Variants in ACSL5 observed in about 807,000 individuals in gnomAD.
The protein encoded by ACSL5 is long-chain-fatty-acid--CoA ligase 5.
In ACSL5, 50 loss-of-function variants were observed where a neutral mutation model predicts 84.9. The observed-to-expected ratio is 0.59, with a 90% CI of 0.47 to 0.75. The LOEUF is 0.75. Among genes scored for constraint, ACSL5 ranks in the 30% least tolerant of loss-of-function variants. The probability of loss-of-function intolerance (pLI) is 0.00; values close to 1 mark genes in which losing one functional copy is unlikely to be tolerated. For synonymous variants in ACSL5, 280 were observed against 300.7 expected, an observed-to-expected ratio of 0.93 and a Z score of 0.71; for missense variants, 775 against 830.4, an observed-to-expected ratio of 0.93 and a Z score of 0.82.
At chr10:112,376,563 C>T (rs1257994483) in intron 1 of ACSL5, 16 of 1,430,386 alleles carry the variant, frequency 1.1e-5, no homozygotes, top group East Asian at 2.3e-5. Flanking sequence ...AATCAAGGGC[C>T]GGCTGAGTTC....
At chr10:112,408,734 A>T (rs1380814623) in intron 6 of ACSL5, 1 of 505,032 alleles carries the variant, frequency 2.0e-6, no homozygotes, top group African/African-American at 1.9e-5. Context: ...CACAGAAAGA[A>T]GTTTCAATGA....
At chr10:112,400,517 C>G (rs1033940874) in intron 3 of ACSL5, among the ~76,000 whole-genome samples, 2 of 139,822 alleles carry the variant, frequency 1.4e-5, no homozygotes, top group African/African-American at 5.3e-5. Flanking sequence ...TCAAGCAATT[C>G]TCTGCCTCAG....
At position 112,417,898 on chromosome 10, in the gene ACSL5, C is replaced by T. The variant is rs778881983; in HGVS notation, c.1271C>T (p.Ser424Phe). ...ATTGTCACTGGAGCTGCCCCCATGTCCACTTCAGTCATGACATTCTTCCGG... is the reference window on the plus strand; with the variant it reads ...ATTGTCACTGGAGCTGCCCCCATGTTCACTTCAGTCATGACATTCTTCCGG... ...RVIVTGAAPM[S>F]TSVMTFFRAA... The change falls in exon 14 of 21, where the codon TCC (serine) becomes TTC (phenylalanine). Residue 424 changes from serine (S) to phenylalanine (F), a missense_variant. Coordinates refer to ENST00000354655, the MANE Select transcript of ACSL5 (RefSeq NM_203379.2). 4 of 1,613,668 alleles carry T rather than the reference C, an allele frequency of 2.5e-6. No individual in the cohort carries two copies. Among genetic ancestry groups the T allele is most frequent in the Non-Finnish European group, 3.4e-6 (4 of 1,179,890 alleles).
Position 112,427,369 on chromosome 10 carries a change from T to G in ACSL5, c.*11T>G, listed in dbSNP as rs1250544782. 6.2e-7 allele frequency: 1 copy of G among 1,606,072 alleles called. No individual in the cohort carries two copies. On this transcript the variant is annotated 3_prime_UTR_variant, in exon 21 of 21. Coordinates refer to ENST00000354655, the MANE Select transcript of ACSL5 (RefSeq NM_203379.2). ...CACATCCAGGATTAGGATAAGGTAC[T>G]TAAGTACCTGCCGGCCCACTGTGCA...
At chr10:112,425,767 C>A (rs1405219597) in intron 18 of ACSL5, among the ~76,000 whole-genome samples, 1 of 152,118 alleles carries the variant, frequency 6.6e-6, no homozygotes, top group Non-Finnish European at 1.5e-5. Flanking sequence ...GCACTTAGTT[C>A]CCATTCCTTA....
Position 112,427,311 on chromosome 10 carries a change from T to G in ACSL5, c.2005T>G (p.Tyr669Asp). The change falls in exon 21 of 21, where the codon TAC becomes GAC. Residue 669 changes from tyrosine to aspartate, a missense_variant. Coordinates refer to ENST00000354655, the MANE Select transcript of ACSL5 (RefSeq NM_203379.2). ...LKAKRGELSK[Y>D]FRTQIDSLYE... ...AGCAAAGCGAGGAGAGCTTTCCAAATACTTTCGGACCCAAATTGACAGCCT... is the reference window on the plus strand; with the variant it reads ...AGCAAAGCGAGGAGAGCTTTCCAAAGACTTTCGGACCCAAATTGACAGCCT... 6.2e-7 allele frequency: 1 copy of G among 1,613,902 alleles called. No individual in the cohort carries two copies. Among genetic ancestry groups the G allele is most frequent in the Non-Finnish European group, 8.5e-7 (1 of 1,179,904 alleles).
Position 112,425,290 on chromosome 10 carries a change from T to C in ACSL5, c.1594-48T>C, listed in dbSNP as rs747124699. ...GACTTCACCACTCTCCCCACTGATA[T>C]CATCTCTGTGGCTCAAAAATACTGA... On this transcript the variant is annotated intron_variant, in intron 17 of 20. Transcript: ENST00000354655. 1.1e-5 allele frequency: 17 copies of C among 1,542,090 alleles called. No individual in the cohort carries two copies. In the South Asian group the frequency reaches 1.5e-4, roughly 13 times the overall value.
chr10:112,427,095 G>A, intron 20 of ACSL5, 123 bp from the exon 21 acceptor site: 1 of 1,025,298 alleles, frequency 9.8e-7, no homozygotes, highest in African/African-American at 1.6e-5. Context: ...GAATGGGCAT[G>A]TGTTACTGTT....
At chr10:112,382,847 A>G (rs1849377144) in intron 1 of ACSL5, among the ~76,000 whole-genome samples, 1 of 152,230 alleles carries the variant, frequency 6.6e-6, no homozygotes. Context: ...AAATTACGTA[A>G]GCAATCGAAT....
intron 5 of ACSL5, chr10:112,406,509 T>G (rs1427487090): frequency 3.3e-5 from 5 of 152,246 alleles, no homozygotes; most frequent in African/African-American, 1.2e-4. Context: ...CAGGATTCAG[T>G]CCATAACATC....
intron 10 of ACSL5, 34 bp from the exon 11 acceptor site, chr10:112,411,868 A>G (rs780876011): frequency 6.3e-7 from 1 of 1,575,972 alleles, no homozygotes; most frequent in South Asian, 1.1e-5. Context: ...CATTAATCTC[A>G]TGTTGCCTCC....
chr10:112,397,039 C>T (rs554442079), intron 2 of ACSL5, among the ~76,000 whole-genome samples: 18 of 152,198 alleles, frequency 1.2e-4, no homozygotes, highest in South Asian at 4.1e-4. Context: ...CTTCTCTACA[C>T]GAAACTTCAT....
chr10:112,425,373 C>G lies in ACSL5; in HGVS notation c.1629C>G (p.Asn543Lys). Reference sequence around the variant, plus strand: ...TGAAGATCATCGACCGTAAAAAGAACATTTTCAAGCTGGCCCAAGGAGAAT... The same window carrying G: ...TGAAGATCATCGACCGTAAAAAGAAGATTTTCAAGCTGGCCCAAGGAGAAT... ...GTLKIIDRKKNIFKLAQGEYI... is the reference protein window; with the variant it reads ...GTLKIIDRKKKIFKLAQGEYI... The change falls in exon 18 of 21, where the codon AAC becomes AAG. Residue 543 changes from asparagine to lysine, a missense_variant. By Grantham distance (94) the Asn-to-Lys change is moderately conservative. Coordinates refer to ENST00000354655, the MANE Select transcript of ACSL5 (RefSeq NM_203379.2). 4 of 1,613,052 alleles carry G rather than the reference C, an allele frequency of 2.5e-6. No homozygotes were observed. The South Asian group carries it at 3.3e-5, about 13-fold the overall frequency.
At chr10:112,409,183 C>T in intron 6 of ACSL5, 1 of 249,910 alleles carries the variant, frequency 4.0e-6, no homozygotes, top group Non-Finnish European at 7.7e-6. Flanking sequence ...CTACTATCCT[C>T]CTCAAATAAA....
intron 1 of ACSL5, among the ~76,000 whole-genome samples, chr10:112,390,669 T>C (rs889803377): frequency 7.3e-5 from 11 of 151,446 alleles, no homozygotes; most frequent in Non-Finnish European, 1.3e-4. Context: ...GATAGATAGA[T>C]AGATAGATAG....
chr10:112,419,785 T>C (rs1160472455), intron 14 of ACSL5: 1 of 152,228 alleles, frequency 6.6e-6, no homozygotes, highest in Non-Finnish European at 1.5e-5. Flanking sequence ...AATAATCTTT[T>C]CTATTTGTAG....
At chr10:112,374,673 T>C (rs765121756) in intron 1 of ACSL5, among the ~76,000 whole-genome samples, 2 of 152,128 alleles carry the variant, frequency 1.3e-5, no homozygotes, top group Admixed American at 6.5e-5. Flanking sequence ...AGGAAGGGAA[T>C]CAGCAGATAT....
intron 1 of ACSL5, among the ~76,000 whole-genome samples, chr10:112,382,561 G>A (rs576717600): frequency 6.6e-6 from 1 of 152,264 alleles, no homozygotes; most frequent in Admixed American, 6.5e-5. Flanking sequence ...CCGAGGAAAG[G>A]GCTTATTCTG....
intron 14 of ACSL5, among the ~76,000 whole-genome samples, chr10:112,420,257 T>C (rs920496555): frequency 2.0e-5 from 3 of 152,126 alleles, no homozygotes; most frequent in Non-Finnish European, 4.4e-5. Context: ...ACACCCCCCA[T>C]TGCAGCAGCC....
Sources: allele counts gnomAD v4.1 joint callset (sites outside exome capture counted in the v4.1 genomes callset), GRCh38; gene constraint gnomAD v4.1.1; transcripts MANE v1.5; gene names NCBI Gene and HGNC (gene_info 2026-07-23, HGNC 2026-07-21).